PHF21A: variants seen among roughly 807,000 people sequenced by gnomAD.
PHF21A encodes the protein PHD finger protein 21A.
In PHF21A, 11 loss-of-function variants were observed where a neutral mutation model predicts 82.5. That is an observed-to-expected ratio of 0.13 (90% CI 0.08 to 0.22). PHF21A has a LOEUF of 0.22. Among genes scored for constraint, PHF21A ranks in the 10% least tolerant of loss-of-function variants. The probability of loss-of-function intolerance (pLI) is 1.00; values close to 1 mark genes in which losing one functional copy is unlikely to be tolerated. For missense variants in PHF21A, 579 were observed against 837.8 expected, an observed-to-expected ratio of 0.69 and a Z score of 3.81; for synonymous variants, 297 against 302.8, an observed-to-expected ratio of 0.98 and a Z score of 0.20.
intron 6 of PHF21A, among the ~76,000 whole-genome samples, chr11:45,996,298 A>G (rs756967811): frequency 4.6e-5 from 7 of 152,178 alleles, no homozygotes; most frequent in Non-Finnish European, 1.0e-4. Flanking sequence ...CAAGGTAGTA[A>G]AGCTTACAGG....
intron 5 of PHF21A, among the ~76,000 whole-genome samples, chr11:46,078,826 A>G (rs959531028): frequency 2.0e-5 from 3 of 152,154 alleles, no homozygotes; most frequent in Admixed American, 2.0e-4. Context: ...ATTTTGAATA[A>G]GTGGGTTCAT....
chr11:46,042,464 T>C lies in PHF21A; in HGVS notation c.153+34290A>G, dbSNP rs550121734. ...ACAGGCCAGGGACACGTTATAAGAC[T>C]GGACTAAAATCACTGAATGGTTTTT... On this transcript the variant is annotated intron_variant, in intron 6 of 18. Coordinates refer to ENST00000676320, the MANE Select transcript of PHF21A (RefSeq NM_001352027.3). 5.3e-5 allele frequency among the ~76,000 whole-genome samples: 8 copies of C among 152,264 alleles called. No homozygotes were observed. In the East Asian group the frequency reaches 1.4e-3, roughly 26 times the overall value.
chr11:46,076,877 A>G (rs2096732166), intron 5 of PHF21A, 58 bp from the exon 6 acceptor site: 3 of 1,382,306 alleles, frequency 2.2e-6, no homozygotes. Flanking sequence ...ACAGAATAGT[A>G]GCAGGAAGAC....
intron 6 of PHF21A, among the ~76,000 whole-genome samples, chr11:46,038,227 A>C (rs2096057458): frequency 6.6e-6 from 1 of 151,866 alleles, no homozygotes; most frequent in Admixed American, 6.6e-5. Flanking sequence ...CCCAGTTTCA[A>C]GCGATTCTCC....
intron 10 of PHF21A, among the ~76,000 whole-genome samples, chr11:45,959,478 TCAA>T (rs1453760952): frequency 2.0e-5 from 3 of 152,154 alleles, no homozygotes; most frequent in Non-Finnish European, 4.4e-5. Flanking sequence ...CCACTTGAGA[TCAA>T]CAACAAGACA....
intron 1 of PHF21A, among the ~76,000 whole-genome samples, chr11:46,103,799 G>A (rs2097125101): frequency 6.6e-6 from 1 of 152,150 alleles, no homozygotes; most frequent in Admixed American, 6.5e-5. Flanking sequence ...ATCCTGATCA[G>A]TAGTGAATGA....
At chr11:45,988,653 C>A in intron 6 of PHF21A, among the ~76,000 whole-genome samples, 1 of 152,176 alleles carries the variant, frequency 6.6e-6, no homozygotes, top group Non-Finnish European at 1.5e-5. Context: ...CTTTGGGAGG[C>A]TGAGGCTGGA....
intron 6 of PHF21A, among the ~76,000 whole-genome samples, chr11:46,001,408 A>G (rs752215628): frequency 7.9e-5 from 12 of 151,598 alleles, no homozygotes; most frequent in Non-Finnish European, 1.8e-4. Flanking sequence ...TAGCCAATGC[A>G]CCTGTAGATT....
chr11:46,116,083 G>A (rs554578381), intron 1 of PHF21A, among the ~76,000 whole-genome samples: 1 of 152,062 alleles, frequency 6.6e-6, no homozygotes, highest in African/African-American at 2.4e-5. Flanking sequence ...TAAACACAGG[G>A]TTCCTAATTA....
chr11:46,045,615 G>A (rs1237852450), intron 6 of PHF21A, among the ~76,000 whole-genome samples: 1 of 152,090 alleles, frequency 6.6e-6, no homozygotes, highest in Non-Finnish European at 1.5e-5. Flanking sequence ...GCACTACAAT[G>A]TATTCAAAAA....
At chr11:46,116,136 C>G (rs1222952647) in intron 1 of PHF21A, among the ~76,000 whole-genome samples, 1 of 152,072 alleles carries the variant, frequency 6.6e-6, no homozygotes, top group Non-Finnish European at 1.5e-5. Context: ...AATTTGTGAG[C>G]AGAGTTTATA....
At chr11:45,982,422 T>C (rs902071934) in intron 6 of PHF21A, among the ~76,000 whole-genome samples, 21 of 152,204 alleles carry the variant, frequency 1.4e-4, no homozygotes, top group Admixed American at 8.5e-4. Context: ...TTAAAGTCTT[T>C]GCAGAAACTA....
intron 6 of PHF21A, among the ~76,000 whole-genome samples, chr11:46,025,784 A>G (rs755014892): frequency 6.6e-6 from 1 of 152,204 alleles, no homozygotes; most frequent in Non-Finnish European, 1.5e-5. Flanking sequence ...TTTGCAAGTC[A>G]TAGGCATAAT....
At chr11:46,008,236 T>C (rs2095339990) in intron 6 of PHF21A, among the ~76,000 whole-genome samples, 1 of 152,236 alleles carries the variant, frequency 6.6e-6, no homozygotes, top group Admixed American at 6.5e-5. Flanking sequence ...GTTCAGATGA[T>C]AACTCAATAA....
chr11:45,960,699 T>TA (rs920957345), intron 10 of PHF21A, among the ~76,000 whole-genome samples: 21 of 151,586 alleles, frequency 1.4e-4, no homozygotes, highest in African/African-American at 3.4e-4. Context: ...TCACCTCAAT[T>TA]AAAAAAAAAT....
chr11:46,105,426 C>T (rs2097142704), intron 1 of PHF21A, among the ~76,000 whole-genome samples: 2 of 152,102 alleles, frequency 1.3e-5, no homozygotes, highest in South Asian at 2.1e-4. Context: ...GGAAGTAGCA[C>T]AACTGTAAAT....
chr11:45,951,260 G>A (rs1213905759), intron 11 of PHF21A, among the ~76,000 whole-genome samples: 1 of 152,142 alleles, frequency 6.6e-6, no homozygotes. Flanking sequence ...CTCCTGTAGA[G>A]TTATTTATAC....
In PHF21A at chr11:45,973,971, C is replaced by T. The variant is rs181591588; in HGVS notation, c.361-2604G>A. 7.9e-5 allele frequency among the ~76,000 whole-genome samples: 12 copies of T among 152,330 alleles called. No individual in the cohort carries two copies. In the East Asian group the frequency reaches 1.9e-3, roughly 24 times the overall value. On this transcript the variant is annotated intron_variant, in intron 7 of 18. Transcript: ENST00000676320. ...AACTGATGATTCTACAAAATACTGA[C>T]TAAAGCCTCAAACTCACCTGAATTA...
chr11:45,989,996 A>G (rs1413695695), intron 6 of PHF21A, among the ~76,000 whole-genome samples: 1 of 152,058 alleles, frequency 6.6e-6, no homozygotes, highest in Non-Finnish European at 1.5e-5. Context: ...TGACTCAAAA[A>G]ATAAATAAAT....
Sources: allele counts gnomAD v4.1 joint callset (sites outside exome capture counted in the v4.1 genomes callset), GRCh38; gene constraint gnomAD v4.1.1; transcripts MANE v1.5; gene names NCBI Gene and HGNC (gene_info 2026-07-23, HGNC 2026-07-21).